Variants in TACR1 observed in about 807,000 individuals in gnomAD.
TACR1 encodes the protein substance-P receptor.
TACR1 carries 25 observed loss-of-function variants against 35.8 expected under a neutral mutation model. The observed-to-expected ratio is 0.70, with a 90% CI of 0.51 to 0.98. The LOEUF (loss-of-function observed/expected upper bound fraction) is 0.98, where lower values mean the gene tolerates loss of function less well. TACR1 is among the 50% of genes least tolerant of loss of function. TACR1 has a pLI of 0.00. For missense variants in TACR1, 478 were observed against 522.9 expected, an observed-to-expected ratio of 0.91 and a Z score of 0.84; for synonymous variants, 195 against 206.7, an observed-to-expected ratio of 0.94 and a Z score of 0.48.
At chr2:75,114,276 A>G (rs1466539601) in intron 2 of TACR1, among the ~76,000 whole-genome samples, 2 of 152,234 alleles carry the variant, frequency 1.3e-5, no homozygotes, top group Non-Finnish European at 2.9e-5. Context: ...AATTATGTAC[A>G]TAGAAATTTA....
intron 1 of TACR1, among the ~76,000 whole-genome samples, chr2:75,158,749 A>G (rs929478079): frequency 5.3e-5 from 8 of 152,176 alleles, no homozygotes; most frequent in Non-Finnish European, 7.3e-5. Context: ...TCGCAAAGGA[A>G]GCAGAACTGA....
intron 2 of TACR1, among the ~76,000 whole-genome samples, chr2:75,072,363 TAATC>T (rs956636891): frequency 6.6e-6 from 1 of 152,220 alleles, no homozygotes; most frequent in African/African-American, 2.4e-5. Context: ...CCAAGTATCA[TAATC>T]AATATGGCCA....
chr2:75,193,663 T>A (rs574532580), intron 1 of TACR1, among the ~76,000 whole-genome samples: 15 of 152,260 alleles, frequency 9.9e-5, no homozygotes, highest in South Asian at 2.1e-4. Flanking sequence ...CTTTTTTTTT[T>A]AATCAACTTC....
intron 1 of TACR1, among the ~76,000 whole-genome samples, chr2:75,141,840 G>T (rs766763052): frequency 6.6e-6 from 1 of 152,138 alleles, no homozygotes; most frequent in Non-Finnish European, 1.5e-5. Context: ...GGCTTTAGTA[G>T]ACTCTCTCTG....
Position 75,120,740 on chromosome 2 carries a change from G to T in TACR1, c.418C>A (p.Pro140Thr), listed in dbSNP as rs1673952569. The change falls in exon 2 of 5, where the codon CCC becomes ACC. Residue 140 changes from proline to threonine, a missense_variant. By Grantham distance (38) the Pro-to-Thr change is conservative (BLOSUM62 -1). Coordinates refer to ENST00000305249, the MANE Select transcript of TACR1 (RefSeq NM_001058.4). The part of the protein sequence containing the change: ...RYMAIIHPLQ[P>T]RLSATATKVV... ...TTGGTGGCTGTGGCTGACAGCCGGG[G>T]CTGGAGGGGATGTATGATGGCCATG... The T allele has an allele frequency of 6.2e-7, 1 of 1,613,296 alleles. No individual in the cohort carries two copies. The highest frequency in any genetic ancestry group is 8.5e-7 in the Non-Finnish European group (1 of 1,179,834).
intron 1 of TACR1, among the ~76,000 whole-genome samples, chr2:75,152,479 C>T (rs75845234): frequency 1.4e-3 from 208 of 152,268 alleles, no homozygotes; most frequent in African/African-American, 4.9e-3. Flanking sequence ...AAGTGTCTTT[C>T]ACCTCCCCCC....
chr2:75,195,850 T>C (rs1054414907), intron 1 of TACR1, among the ~76,000 whole-genome samples: 3 of 152,212 alleles, frequency 2.0e-5, no homozygotes, highest in Admixed American at 6.5e-5. Flanking sequence ...CTGAAAACTT[T>C]TGAATAACAC....
At chr2:75,187,889 A>G (rs888652173) in intron 1 of TACR1, 1 of 152,248 alleles carries the variant, frequency 6.6e-6, no homozygotes, top group African/African-American at 2.4e-5. Context: ...TTGAAAACCT[A>G]TGATGGCTTT....
At chr2:75,145,669 TATATG>T (rs1337755008) in intron 1 of TACR1, among the ~76,000 whole-genome samples, 3 of 152,324 alleles carry the variant, frequency 2.0e-5, no homozygotes, top group Middle Eastern at 3.4e-3. Flanking sequence ...ATGTGGGACT[TATATG>T]AATGAAACTG....
intron 1 of TACR1, among the ~76,000 whole-genome samples, chr2:75,124,807 C>T (rs1194527774): frequency 2.0e-5 from 3 of 152,168 alleles, no homozygotes; most frequent in South Asian, 2.1e-4. Context: ...TTACAGGAAG[C>T]GAAGAGCAGG....
intron 1 of TACR1, among the ~76,000 whole-genome samples, chr2:75,126,587 G>T (rs977358): frequency 1.3e-5 from 2 of 152,132 alleles, no homozygotes; most frequent in African/African-American, 4.8e-5. Flanking sequence ...AAGGGACAAA[G>T]ATTTCATTAC....
intron 1 of TACR1, among the ~76,000 whole-genome samples, chr2:75,196,894 T>G (rs1174042293): frequency 3.3e-5 from 5 of 152,184 alleles, no homozygotes; most frequent in African/African-American, 1.2e-4. Flanking sequence ...AGAGAGTGTT[T>G]GTAAGGCTGA....
At chr2:75,100,379 C>G (rs997284341) in intron 2 of TACR1, among the ~76,000 whole-genome samples, 14 of 152,126 alleles carry the variant, frequency 9.2e-5, no homozygotes, top group Middle Eastern at 3.2e-3. Flanking sequence ...AAATTATAAC[C>G]TCTCTTTCAA....
chr2:75,153,910 A>G (rs985940598), intron 1 of TACR1, among the ~76,000 whole-genome samples: 8 of 152,106 alleles, frequency 5.3e-5, no homozygotes, highest in Non-Finnish European at 1.2e-4. Flanking sequence ...TTTTCCTGGA[A>G]TCACTGATGG....
intron 2 of TACR1, among the ~76,000 whole-genome samples, chr2:75,101,917 C>CT (rs1673539900): frequency 6.6e-6 from 1 of 151,830 alleles, no homozygotes; most frequent in Non-Finnish European, 1.5e-5. Flanking sequence ...GCACTCCAGG[C>CT]TGAGTGATGG....
At position 75,046,648 on chromosome 2, in the gene TACR1, T is replaced by G. The variant is rs78425096; in HGVS notation, c.*2784A>C. 6.6e-6 allele frequency: 1 copy of G among 152,148 alleles called. No homozygotes were observed. Among genetic ancestry groups the G allele is most frequent in the African/African-American group, 2.4e-5 (1 of 41,420 alleles). 9.4% of individuals were successfully genotyped at this position (152,148 alleles called of 1,614,324 possible). ...TCAGTCCTTGTCTCTTAGTGTCCTG[T>G]TGGGGGATAAGGAGGAGAAGGACTC... On this transcript the variant is annotated 3_prime_UTR_variant, in exon 5 of 5. Transcript: ENST00000305249.
intron 1 of TACR1, among the ~76,000 whole-genome samples, chr2:75,165,336 G>T (rs1675112403): frequency 6.6e-6 from 1 of 152,142 alleles, no homozygotes; most frequent in African/African-American, 2.4e-5. Context: ...TTGAGACAGA[G>T]TCTCGCTCTG....
At chr2:75,058,937 G>T (rs1410051615) in intron 2 of TACR1, among the ~76,000 whole-genome samples, 1 of 152,170 alleles carries the variant, frequency 6.6e-6, no homozygotes, top group African/African-American at 2.4e-5. Flanking sequence ...ATAATAACTA[G>T]GTGTCTTCAT....
chr2:75,172,635 A>G (rs1258560988), intron 1 of TACR1, among the ~76,000 whole-genome samples: 2 of 152,154 alleles, frequency 1.3e-5, no homozygotes, highest in Non-Finnish European at 2.9e-5. Flanking sequence ...AGTGGGAAAG[A>G]GAATGGAACG....
Sources: gnomAD v4.1 joint callset for allele counts (sites outside exome capture counted in the v4.1 genomes callset) on GRCh38, gnomAD v4.1.1 for gene constraint, MANE v1.5 for transcripts, NCBI Gene and HGNC (gene_info 2026-07-23, HGNC 2026-07-21) for gene names.